Variants in MSI2 observed in about 807,000 individuals in gnomAD.
MSI2 encodes the protein RNA-binding protein Musashi homolog 2.
A neutral mutation model predicts 45.6 loss-of-function variants in MSI2; 17 were observed. That is an observed-to-expected ratio of 0.37 (90% CI 0.26 to 0.56). The LOEUF (loss-of-function observed/expected upper bound fraction) is 0.56. Among genes scored for constraint, MSI2 ranks in the 20% least tolerant of loss-of-function variants. MSI2 has a pLI of 0.77. For missense variants in MSI2, 293 were observed against 444.2 expected, an observed-to-expected ratio of 0.66 and a Z score of 3.06; for synonymous variants, 156 against 158.2, an observed-to-expected ratio of 0.99 and a Z score of 0.11.
At chr17:57,637,641 A>G (rs1184132399) in intron 10 of MSI2, among the ~76,000 whole-genome samples, 3 of 152,210 alleles carry the variant, frequency 2.0e-5, no homozygotes, top group Admixed American at 6.5e-5. Context: ...AAATAAGGCC[A>G]TCTCTAGGCC....
Position 57,679,631 on chromosome 17 carries a change from C to T in MSI2, c.*114C>T. On this transcript the variant is annotated 3_prime_UTR_variant, in exon 14 of 14. Transcript: ENST00000284073. The stretch of plus-strand genomic sequence containing the variant: ...GGTGATGTCCTCAGACCTGGACCCC[C>T]ACCAGCCTCACTCCCCATCCCAACC... 4 of 1,063,654 alleles carry T rather than the reference C, an allele frequency of 3.8e-6. No individual in the cohort carries two copies. Among genetic ancestry groups the T allele is most frequent in the Non-Finnish European group, 4.6e-6 (4 of 877,816 alleles). 65.9% of individuals were successfully genotyped at this position (1,063,654 alleles called of 1,614,324 possible). A position where few individuals can be genotyped will look rare whatever the true frequency, so the allele number is the denominator to read the frequency against.
At chr17:57,446,989 A>G (rs911155941) in intron 6 of MSI2, among the ~76,000 whole-genome samples, 4 of 152,222 alleles carry the variant, frequency 2.6e-5, no homozygotes, top group African/African-American at 9.6e-5. Flanking sequence ...GTTGCCTCCA[A>G]AAATCCATGC....
At chr17:57,377,765 G>A (rs34147626) in intron 5 of MSI2, among the ~76,000 whole-genome samples, 17,453 of 151,930 alleles carry the variant, frequency 0.11, 1,018 homozygotes, top group African/African-American at 0.13. Context: ...TCTTCCACTC[G>A]CTCCATCCCA....
intron 6 of MSI2, among the ~76,000 whole-genome samples, chr17:57,418,623 G>C (rs2084339253): frequency 6.6e-6 from 1 of 152,228 alleles, no homozygotes; most frequent in African/African-American, 2.4e-5. Flanking sequence ...CCACAAGCTA[G>C]AGGATTGTAC....
In MSI2 at chr17:57,529,858, A is replaced by G; in HGVS notation, c.454+134A>G. ...AGGTAGAGGTGACCATCCATTGAAG[A>G]TCTTTATTCACGGAGAGTCCCAGTA... On this transcript the variant is annotated intron_variant, in intron 7 of 13. Coordinates refer to ENST00000284073, the MANE Select transcript of MSI2 (RefSeq NM_138962.4). This position sits in a 1 kb window ranked among gnomAD's most constrained non-coding sequence, Gnocchi z 5.3. The G allele has an allele frequency of 1.5e-6, 1 of 687,344 alleles. No homozygotes were observed. The highest frequency in any genetic ancestry group is 2.4e-6 in the Non-Finnish European group (1 of 412,068). The allele number at this position is 687,344 out of a possible 1,614,324, so 42.6% of individuals were successfully genotyped here. A position where few individuals can be genotyped will look rare whatever the true frequency, so the allele number is the denominator to read the frequency against.
intron 6 of MSI2, among the ~76,000 whole-genome samples, chr17:57,445,385 A>G (rs916665694): frequency 1.3e-5 from 2 of 152,114 alleles, no homozygotes; most frequent in African/African-American, 4.8e-5. Context: ...GTGAAAGTTG[A>G]CTTTACCTCC....
At position 57,447,857 on chromosome 17, in the gene MSI2, A is replaced by G. The variant is rs115783377; in HGVS notation, c.405+46386A>G. Among the ~76,000 whole-genome samples, 565 of 152,218 alleles carry G rather than the reference A, an allele frequency of 3.7e-3. 3 individuals carry two copies. Among genetic ancestry groups the G allele is most frequent in the African/African-American group, 0.013 (520 of 41,524 alleles). On this transcript the variant is annotated intron_variant, in intron 6 of 13. Transcript: ENST00000284073. ...ACTTCTGTCTTTGGGGCTATGAACCATGACAGGGGTGGAGAAGGAGTGGGG... is the reference window on the plus strand; with the variant it reads ...ACTTCTGTCTTTGGGGCTATGAACCGTGACAGGGGTGGAGAAGGAGTGGGG...
Position 57,357,685 on chromosome 17 carries a change from G to T in MSI2, c.313-43694G>T, listed in dbSNP as rs1598164610. Among the ~76,000 whole-genome samples the T allele has an allele frequency of 3.3e-5, 5 of 152,272 alleles. No individual in the cohort carries two copies. In the South Asian group the frequency reaches 1.0e-3, roughly 32 times the overall value. ...TCACATAAAGGTGAAATCATGACCT[G>T]CCCGACTTGATTTTTCAGTTGAGGG... On this transcript the variant is annotated intron_variant, in intron 5 of 13. Coordinates refer to ENST00000284073, the MANE Select transcript of MSI2 (RefSeq NM_138962.4).
the MSI2 span, among the ~76,000 whole-genome samples, chr17:57,697,061 T>C: frequency 6.6e-6 from 1 of 151,898 alleles, no homozygotes; most frequent in Admixed American, 6.6e-5. Flanking sequence ...TGGAAGGTCC[T>C]TAGGGGATGT....
intron 5 of MSI2, among the ~76,000 whole-genome samples, chr17:57,325,649 G>C (rs1323981692): frequency 6.6e-6 from 1 of 152,100 alleles, no homozygotes; most frequent in African/African-American, 2.4e-5. Flanking sequence ...TGACCGAGTT[G>C]GTGTTGTCAT....
chr17:57,661,208 C>G (rs866830444), intron 11 of MSI2, among the ~76,000 whole-genome samples: 1 of 152,018 alleles, frequency 6.6e-6, no homozygotes, highest in Non-Finnish European at 1.5e-5. Context: ...TGCCTTTAGC[C>G]GACTTCCAGT....
intron 5 of MSI2, among the ~76,000 whole-genome samples, chr17:57,323,654 G>A (rs927920682): frequency 4.6e-5 from 7 of 152,264 alleles, no homozygotes; most frequent in African/African-American, 7.2e-5. Context: ...CTAGGTCAGC[G>A]TCCTGTGGCC....
intron 6 of MSI2, chr17:57,444,587 A>G (rs191563128): frequency 1.4e-5 from 2 of 146,530 alleles, no homozygotes; most frequent in East Asian, 3.9e-4. Context: ...TCTCAAAAGA[A>G]AAAAAAAAAA....
At chr17:57,563,744 G>GCACACACACACA (rs1447030230) in intron 7 of MSI2, among the ~76,000 whole-genome samples, 1 of 115,696 alleles carries the variant, frequency 8.6e-6, no homozygotes, top group South Asian at 2.9e-4. Context: ...ACACACAGGC[G>GCACACACACACA]CGCACACACA....
At chr17:57,569,595 A>G (rs2087823372) in intron 7 of MSI2, among the ~76,000 whole-genome samples, 1 of 152,224 alleles carries the variant, frequency 6.6e-6, no homozygotes, top group Admixed American at 6.5e-5. Flanking sequence ...ATTTTTCAAG[A>G]TGTTAGAGGA....
chr17:57,674,955 G>A lies in MSI2; in HGVS notation c.791-17G>A, dbSNP rs562386196. Reference sequence around the variant, plus strand: ...ACAGTGCTCAACCGAATTTTGGCGCGCCCGCTTCCCCGGCAGGCTCCAACC... The same window carrying A: ...ACAGTGCTCAACCGAATTTTGGCGCACCCGCTTCCCCGGCAGGCTCCAACC... On this transcript the variant is annotated splice_polypyrimidine_tract_variant and intron_variant, in intron 11 of 13. Coordinates refer to ENST00000284073, the MANE Select transcript of MSI2 (RefSeq NM_138962.4). 27 of 1,612,520 alleles carry A rather than the reference G, an allele frequency of 1.7e-5. 2 individuals are homozygous for A. The highest frequency in any genetic ancestry group is 1.7e-4 in the Middle Eastern group (1 of 6,058).
rs555225416 is a variant in MSI2 at position 57,468,378 on chromosome 17, G to A, written c.406-61298G>A. Among the ~76,000 whole-genome samples the A allele has an allele frequency of 1.0e-3, 156 of 151,820 alleles. 1 individual carries two copies. Among genetic ancestry groups the A allele is most frequent in the Non-Finnish European group, 1.4e-3 (98 of 67,960 alleles). ...ACTAAAAATACAAAAAAAATTAGCC[G>A]GGTGTGGTGGCGGGCGCCTGTAGTC... On this transcript the variant is annotated intron_variant, in intron 6 of 13. Transcript: ENST00000284073.
At position 57,683,918 on chromosome 17, in the gene MSI2, T is replaced by C; in HGVS notation, c.*4401T>C. 1 of 230,478 alleles carries C rather than the reference T, an allele frequency of 4.3e-6. No homozygotes were observed. The highest frequency in any genetic ancestry group is 8.6e-6 in the Non-Finnish European group (1 of 116,280). The allele number at this position is 230,478 out of a possible 1,614,324, so 14.3% of individuals were successfully genotyped here. A position where few individuals can be genotyped will look rare whatever the true frequency, so the allele number is the denominator to read the frequency against. ...TACTTTAATACTGTAATATGTTTGT[T>C]TTCTTTTTCTTTCTTTTTTTTCTAC... On this transcript the variant is annotated 3_prime_UTR_variant, in exon 14 of 14. Transcript: ENST00000284073. The surrounding 1 kb of genome is among the most constrained non-coding windows in gnomAD (Gnocchi z 5.2).
chr17:57,661,812 C>G (rs1039028041), intron 11 of MSI2, among the ~76,000 whole-genome samples: 7 of 152,280 alleles, frequency 4.6e-5, no homozygotes, highest in Non-Finnish European at 7.3e-5. Flanking sequence ...CTGTCCTTGT[C>G]TTTGCCCTCT....
Sources: gnomAD v4.1 joint callset for allele counts (sites outside exome capture counted in the v4.1 genomes callset) on GRCh38, gnomAD v4.1.1 for gene constraint, Gnocchi (gnomAD v3.1) non-coding constraint, MANE v1.5 for transcripts, NCBI Gene and HGNC (gene_info 2026-07-23, HGNC 2026-07-21) for gene names.